ACTR3C: variants seen among roughly 807,000 people sequenced by gnomAD.
The protein encoded by ACTR3C is actin-related protein 3C.
ACTR3C carries 18 observed loss-of-function variants against 26.3 expected under a neutral mutation model. The observed-to-expected ratio is 0.68, with a 90% CI of 0.47 to 1.01. The LOEUF is 1.01. ACTR3C is among the 50% of genes least tolerant of loss of function. The pLI is 0.00. For synonymous variants in ACTR3C, 55 were observed against 94.5 expected, an observed-to-expected ratio of 0.58 and a Z score of 2.42; for missense variants, 184 against 250.7, an observed-to-expected ratio of 0.73 and a Z score of 1.80.
chr7:150,091,250 A>G, the ACTR3C span, among the ~76,000 whole-genome samples: 1,095 of 114,604 alleles, frequency 9.6e-3, 5 homozygotes, highest in African/African-American at 0.014. Context: ...TGCAACCTCA[A>G]TCTTCAAAGG....
At chr7:150,054,047 TAAG>T in the ACTR3C span, among the ~76,000 whole-genome samples, 1 of 152,178 alleles carries the variant, frequency 6.6e-6, no homozygotes, top group African/African-American at 2.4e-5. Context: ...CTGTGAAACA[TAAG>T]GAGGGAAGAG....
intron 1 of ACTR3C, among the ~76,000 whole-genome samples, chr7:150,295,890 C>T (rs562079536): frequency 6.9e-5 from 9 of 129,668 alleles, no homozygotes; most frequent in Admixed American, 1.6e-4. Context: ...TTCCCCCAGA[C>T]GCTGCCCAGG....
At chr7:149,913,489 A>G in the ACTR3C span, among the ~76,000 whole-genome samples, 1 of 152,216 alleles carries the variant, frequency 6.6e-6, no homozygotes, top group East Asian at 1.9e-4. Flanking sequence ...TTCCAGTTGT[A>G]GCATGGCTTA....
At chr7:149,974,528 G>A in the ACTR3C span, among the ~76,000 whole-genome samples, 31 of 152,108 alleles carry the variant, frequency 2.0e-4, no homozygotes, top group Non-Finnish European at 4.0e-4. Flanking sequence ...ACATTTCCAC[G>A]TCACCACTGC....
At chr7:150,309,295 C>A (rs1796077195) in intron 1 of ACTR3C, among the ~76,000 whole-genome samples, 1 of 152,214 alleles carries the variant, frequency 6.6e-6, no homozygotes, top group South Asian at 2.1e-4. Flanking sequence ...TGGTGGCTAC[C>A]CTTAGACGCT....
intron 1 of ACTR3C, among the ~76,000 whole-genome samples, chr7:150,318,633 A>T (rs1265048086): frequency 6.6e-6 from 1 of 152,184 alleles, no homozygotes; most frequent in Non-Finnish European, 1.5e-5. Context: ...GTGGTGGTGC[A>T]GAGCTGTAGT....
At chr7:150,266,055 A>AT (rs1279977523) in intron 6 of ACTR3C, among the ~76,000 whole-genome samples, 5 of 144,824 alleles carry the variant, frequency 3.5e-5, no homozygotes, top group Non-Finnish European at 7.4e-5. Flanking sequence ...TCTTTAAGGC[A>AT]TTTTTTTTCT....
chr7:150,194,103 T>C, the ACTR3C span, among the ~76,000 whole-genome samples: 1 of 149,728 alleles, frequency 6.7e-6, no homozygotes. Flanking sequence ...TGTGGGTTTT[T>C]AAAATTTTTG....
chr7:150,180,679 A>ATTTTTTT, the ACTR3C span, among the ~76,000 whole-genome samples: 1 of 144,506 alleles, frequency 6.9e-6, no homozygotes. Flanking sequence ...CGCCTGGCTA[A>ATTTTTTT]TTTTTGTATT....
chr7:150,284,552 A>G (rs1033425471), intron 6 of ACTR3C, among the ~76,000 whole-genome samples: 21 of 152,272 alleles, frequency 1.4e-4, no homozygotes, highest in African/African-American at 4.1e-4. Context: ...TCTCCAAAAT[A>G]AAATAAAATA....
At chr7:150,238,622 G>T in the ACTR3C span, among the ~76,000 whole-genome samples, 1 of 145,086 alleles carries the variant, frequency 6.9e-6, no homozygotes. Flanking sequence ...TTATCAGCCA[G>T]TATGTACCAC....
At chr7:150,312,834 G>C (rs1188979705) in intron 1 of ACTR3C, among the ~76,000 whole-genome samples, 2 of 152,158 alleles carry the variant, frequency 1.3e-5, no homozygotes, top group African/African-American at 4.8e-5. Flanking sequence ...CCTCTGAGCT[G>C]AAGCTCAGCC....
At chr7:150,073,266 C>T in the ACTR3C span, among the ~76,000 whole-genome samples, 3 of 152,086 alleles carry the variant, frequency 2.0e-5, no homozygotes, top group African/African-American at 4.8e-5. Context: ...ATGCAGAAGA[C>T]GGACAAGTGC....
At chr7:149,946,944 G>A in the ACTR3C span, among the ~76,000 whole-genome samples, 19 of 151,088 alleles carry the variant, frequency 1.3e-4, no homozygotes, top group African/African-American at 3.0e-4. Context: ...AAAAAGAGCC[G>A]CCTTCCCCCA....
chr7:150,259,329 A>AAGAAAGAAAGAAAGACAG (rs1191764290), intron 6 of ACTR3C, among the ~76,000 whole-genome samples: 18 of 150,004 alleles, frequency 1.2e-4, no homozygotes, highest in African/African-American at 4.0e-4. Flanking sequence ...AAAGAAAGGA[A>AAGAAAGAAAGAAAGACAG]AGAAAGAAAG....
At chr7:150,029,236 C>G in the ACTR3C span, among the ~76,000 whole-genome samples, 1 of 151,252 alleles carries the variant, frequency 6.6e-6, no homozygotes, top group Non-Finnish European at 1.5e-5. Context: ...ACTAAGCCAT[C>G]GCCAAATTCT....
At chr7:149,972,894 G>A in the ACTR3C span, among the ~76,000 whole-genome samples, 112 of 145,738 alleles carry the variant, frequency 7.7e-4, no homozygotes, top group African/African-American at 2.6e-3. Flanking sequence ...GTGCGTGGGC[G>A]GCATGTCTGT....
the ACTR3C span, among the ~76,000 whole-genome samples, chr7:150,104,624 C>T: frequency 1.3e-5 from 2 of 151,460 alleles, no homozygotes; most frequent in Admixed American, 6.6e-5. Flanking sequence ...TGAGGGCCTA[C>T]TGGGTGACAG....
At chr7:150,292,570 G>A (rs1011833006) in intron 3 of ACTR3C, among the ~76,000 whole-genome samples, 2 of 148,186 alleles carry the variant, frequency 1.3e-5, no homozygotes, top group African/African-American at 2.5e-5. Flanking sequence ...GCGCGATCTC[G>A]GCTCACTGCA....
Sources: gnomAD v4.1 joint callset for allele counts (sites outside exome capture counted in the v4.1 genomes callset) on GRCh38, gnomAD v4.1.1 for gene constraint, MANE v1.5 for transcripts, NCBI Gene and HGNC (gene_info 2026-07-23, HGNC 2026-07-21) for gene names.